The following HS3ST5 variants were observed in gnomAD, a reference collection of about 807,000 sequenced individuals.
HS3ST5 encodes heparan sulfate glucosamine 3-O-sulfotransferase 5.
In HS3ST5, 10 loss-of-function variants were observed where a neutral mutation model predicts 25.4. The ratio of observed to expected loss-of-function variants is 0.39; its 90% CI spans 0.24 to 0.67. HS3ST5 has a LOEUF of 0.67. Among genes scored for constraint, HS3ST5 ranks in the 30% least tolerant of loss-of-function variants. The pLI is 0.44. For synonymous variants in HS3ST5, 170 were observed against 162.4 expected, an observed-to-expected ratio of 1.05 and a Z score of -0.36; for missense variants, 324 against 420.7, an observed-to-expected ratio of 0.77 and a Z score of 2.01.
intron 1 of HS3ST5, among the ~76,000 whole-genome samples, chr6:114,255,708 C>G (rs148400621): frequency 0.015 from 2,251 of 152,056 alleles, 55 homozygotes; most frequent in African/African-American, 0.052. Flanking sequence ...CATGTGGAAG[C>G]TGCCAAGGCT....
At chr6:114,325,577 AC>A (rs751557619) in intron 1 of HS3ST5, among the ~76,000 whole-genome samples, 7 of 152,298 alleles carry the variant, frequency 4.6e-5, no homozygotes, top group Admixed American at 1.3e-4. Context: ...TATTCAAATT[AC>A]TTGTATATTA....
At chr6:114,249,973 C>G (rs1336726859) in intron 1 of HS3ST5, among the ~76,000 whole-genome samples, 1 of 152,110 alleles carries the variant, frequency 6.6e-6, no homozygotes, top group Non-Finnish European at 1.5e-5. Flanking sequence ...GCATTTGTAT[C>G]TATTTTCATG....
chr6:114,335,227 T>G (rs1216093812), intron 1 of HS3ST5, among the ~76,000 whole-genome samples: 2 of 151,736 alleles, frequency 1.3e-5, no homozygotes, highest in Admixed American at 1.3e-4. Flanking sequence ...TCCCAATGAA[T>G]GCTTTGTAAG....
At chr6:114,257,873 A>G (rs1773002234) in intron 1 of HS3ST5, among the ~76,000 whole-genome samples, 1 of 152,080 alleles carries the variant, frequency 6.6e-6, no homozygotes, top group African/African-American at 2.4e-5. Flanking sequence ...AATAGCTGAG[A>G]CTACAGGCAT....
intron 2 of HS3ST5, among the ~76,000 whole-genome samples, chr6:114,193,284 A>T (rs1399529665): frequency 6.6e-6 from 1 of 152,202 alleles, no homozygotes; most frequent in Admixed American, 6.5e-5. Flanking sequence ...TGAAGAAAAG[A>T]AGAGCTATAA....
At chr6:114,282,498 G>C (rs368829227) in intron 1 of HS3ST5, among the ~76,000 whole-genome samples, 2 of 151,882 alleles carry the variant, frequency 1.3e-5, no homozygotes, top group East Asian at 3.9e-4. Context: ...CAATTTTCTC[G>C]GTCTGTCGGA....
intron 1 of HS3ST5, among the ~76,000 whole-genome samples, chr6:114,237,042 A>G (rs535190445): frequency 7.9e-5 from 12 of 152,364 alleles, no homozygotes; most frequent in Non-Finnish European, 1.6e-4. Flanking sequence ...ACATATGCTA[A>G]AATGATTTGC....
At chr6:114,195,814 A>T (rs1371812979) in intron 2 of HS3ST5, among the ~76,000 whole-genome samples, 1 of 152,180 alleles carries the variant, frequency 6.6e-6, no homozygotes, top group Non-Finnish European at 1.5e-5. Context: ...ACAAAAGAAT[A>T]GCCTGAAAAA....
chr6:114,186,306 A>G (rs1454388465), intron 2 of HS3ST5, among the ~76,000 whole-genome samples: 1 of 152,160 alleles, frequency 6.6e-6, no homozygotes, highest in African/African-American at 2.4e-5. Context: ...AAGTTGTGCA[A>G]GCAAAGCAAA....
At chr6:114,293,488 C>T (rs1479986239) in intron 1 of HS3ST5, among the ~76,000 whole-genome samples, 4 of 152,110 alleles carry the variant, frequency 2.6e-5, no homozygotes, top group Admixed American at 2.0e-4. Context: ...AGCCTAGCTG[C>T]TGGGAATACA....
intron 1 of HS3ST5, among the ~76,000 whole-genome samples, chr6:114,257,568 A>G (rs1772986462): frequency 6.6e-6 from 1 of 152,172 alleles, no homozygotes; most frequent in Non-Finnish European, 1.5e-5. Flanking sequence ...ATGAAACTCA[A>G]GAATTGATTA....
In HS3ST5 at chr6:114,291,881, C is replaced by T. The variant is rs189623031; in HGVS notation, c.-339+50314G>A. Among the ~76,000 whole-genome samples the T allele has an allele frequency of 1.1e-4, 17 of 152,268 alleles. No homozygotes were observed. The East Asian group carries it at 2.1e-3, about 19-fold the overall frequency. ...TTTCACACGTAAGAGAATAACAACA[C>T]GGACATTATAGAGTTACTCTGAGGA... On this transcript the variant is annotated intron_variant, in intron 1 of 4. Coordinates refer to ENST00000312719, the MANE Select transcript of HS3ST5 (RefSeq NM_153612.4).
At chr6:114,075,659 C>T (rs1774082581) in intron 3 of HS3ST5, among the ~76,000 whole-genome samples, 1 of 152,162 alleles carries the variant, frequency 6.6e-6, no homozygotes, top group African/African-American at 2.4e-5. Flanking sequence ...TGCAGCCAGA[C>T]TTTTTGGTCT....
chr6:114,241,199 C>T (rs545171119), intron 1 of HS3ST5, among the ~76,000 whole-genome samples: 11 of 144,320 alleles, frequency 7.6e-5, no homozygotes, highest in Non-Finnish European at 1.0e-4. Flanking sequence ...CTTGCCAGGA[C>T]GCTTTCAAAT....
chr6:114,273,815 G>T (rs1367466900), intron 1 of HS3ST5, among the ~76,000 whole-genome samples: 1 of 151,998 alleles, frequency 6.6e-6, no homozygotes, highest in Non-Finnish European at 1.5e-5. Context: ...AGCCTGACTG[G>T]GGAGGGTGGT....
intron 3 of HS3ST5, among the ~76,000 whole-genome samples, chr6:114,161,825 A>G (rs1429925408): frequency 6.6e-6 from 1 of 151,560 alleles, no homozygotes; most frequent in Non-Finnish European, 1.5e-5. Flanking sequence ...TAATTATTAT[A>G]CAAATATATT....
chr6:114,090,500 T>C lies in HS3ST5; in HGVS notation c.-32-27623A>G, dbSNP rs1456572437. On this transcript the variant is annotated intron_variant, in intron 3 of 4. Coordinates refer to ENST00000312719, the MANE Select transcript of HS3ST5 (RefSeq NM_153612.4). ...TCTGCACTTATCTTTAATCCACTGA[T>C]GAAAACAAATTTTAGAACACCAAAT... Among the ~76,000 whole-genome samples the C allele has an allele frequency of 2.0e-5, 3 of 152,210 alleles. No individual in the cohort carries two copies. In the East Asian group the frequency reaches 5.8e-4, roughly 29 times the overall value.
At position 114,317,759 on chromosome 6, in the gene HS3ST5, G is replaced by C. The variant is rs957137240; in HGVS notation, c.-339+24436C>G. Among the ~76,000 whole-genome samples, 3 of 141,356 alleles carry C rather than the reference G, an allele frequency of 2.1e-5. No homozygotes were observed. The South Asian group carries it at 7.5e-4, about 36-fold the overall frequency. 92.7% of individuals were successfully genotyped at this position (141,356 alleles called of 152,430 possible). On this transcript the variant is annotated intron_variant, in intron 1 of 4. Coordinates refer to ENST00000312719, the MANE Select transcript of HS3ST5 (RefSeq NM_153612.4). ...TAAATTATTCCACAAATGGTCCTAA[G>C]GGCCATGAAGGAACCATAAGAGTAA...
intron 3 of HS3ST5, among the ~76,000 whole-genome samples, chr6:114,145,014 G>T (rs1011473663): frequency 2.6e-5 from 4 of 152,128 alleles, no homozygotes; most frequent in Admixed American, 1.3e-4. Flanking sequence ...TGATGCTCAC[G>T]GAAATTACTC....
Sources: gnomAD v4.1 joint callset for allele counts (sites outside exome capture counted in the v4.1 genomes callset) on GRCh38, gnomAD v4.1.1 for gene constraint, MANE v1.5 for transcripts, NCBI Gene and HGNC (gene_info 2026-07-23, HGNC 2026-07-21) for gene names.